Variants in PHEX observed in about 807,000 individuals in gnomAD.
PHEX encodes the protein phosphate regulating endopeptidase X-linked.
A neutral mutation model predicts 68.0 loss-of-function variants in PHEX; 16 were observed. That is an observed-to-expected ratio of 0.24 (90% CI 0.16 to 0.36). The LOEUF is 0.36. Among genes scored for constraint, PHEX ranks in the 10% least tolerant of loss-of-function variants. The pLI is 1.00. For synonymous variants in PHEX, 208 were observed against 205.1 expected (o/e 1.01, Z -0.12); for missense variants, 480 against 575.5 (o/e 0.83, Z 1.70).
intron 2 of PHEX, among the ~76,000 whole-genome samples, chrX:22,041,580 C>G (rs1161259921): frequency 9.1e-6 from 1 of 109,875 alleles, no homozygotes; most frequent in Non-Finnish European, 1.9e-5. Flanking sequence ...AGGCCCTTTC[C>G]TGCTCCAGGC....
At chrX:22,086,574 C>T (rs1198104048) in intron 5 of PHEX, among the ~76,000 whole-genome samples, 2 of 111,067 alleles carry the variant, frequency 1.8e-5, no homozygotes, top group Non-Finnish European at 3.8e-5. Flanking sequence ...TTTTTCACTT[C>T]TCTGTGGCCT....
chrX:22,109,877 A>G (rs1930878853), intron 9 of PHEX, among the ~76,000 whole-genome samples: 1 of 112,247 alleles, frequency 8.9e-6, no homozygotes, highest in Non-Finnish European at 1.9e-5. Context: ...TTTGGAAGTG[A>G]AAGACAAAAC....
rs1936517716 is a variant in PHEX, at chrX:22,249,670, C to A, written c.*1717C>A. 1 of 106,534 alleles carries A rather than the reference C, an allele frequency of 9.4e-6. No individual in the cohort carries two copies. Among genetic ancestry groups the A allele is most frequent in the Non-Finnish European group, 1.9e-5 (1 of 52,076 alleles). The allele number at this position is 106,534 out of a possible 1,213,427, so 8.8% of individuals were successfully genotyped here. A position where few individuals can be genotyped will look rare whatever the true frequency, so the allele number is the denominator to read the frequency against. ...TGTGAAGGGCAGCTACCTTGTCCTC[C>A]TCTTAACCTGGCTTAATGTGACCTT... On this transcript the variant is annotated 3_prime_UTR_variant, in exon 22 of 22. Transcript: ENST00000379374.
chrX:22,169,272 T>C (rs1401837299), intron 13 of PHEX, among the ~76,000 whole-genome samples: 1 of 111,899 alleles, frequency 8.9e-6, no homozygotes, highest in Non-Finnish European at 1.9e-5. Flanking sequence ...GGCTCTAAGA[T>C]ATAGCCTCCC....
At chrX:22,063,627 G>C (rs111447525) in intron 3 of PHEX, among the ~76,000 whole-genome samples, 3,894 of 112,153 alleles carry the variant, frequency 0.035, 172 homozygotes, top group African/African-American at 0.12. Context: ...CACCAGAAGC[G>C]TCGCGTCCAC....
chrX:22,245,111 CACTT>C (rs1334843069), intron 20 of PHEX, among the ~76,000 whole-genome samples: 1 of 112,288 alleles, frequency 8.9e-6, no homozygotes, highest in Admixed American at 9.4e-5. Flanking sequence ...AAACCTTTCT[CACTT>C]ACTCAAATTG....
intron 9 of PHEX, among the ~76,000 whole-genome samples, chrX:22,102,172 T>C (rs1293655602): frequency 1.8e-5 from 2 of 111,951 alleles, no homozygotes; most frequent in African/African-American, 6.5e-5. Context: ...TTATTCATTC[T>C]TTCTATTTTT....
In PHEX at chrX:22,042,533, C is replaced by G. The variant is rs773484211; in HGVS notation, c.187+3996C>G. Reference sequence around the variant, plus strand: ...GGCACGGTGGCTCTCGCCTGCCACCCCAGCACTTTGGGACGCTGAGGCGGA... The same window carrying G: ...GGCACGGTGGCTCTCGCCTGCCACCGCAGCACTTTGGGACGCTGAGGCGGA... On this transcript the variant is annotated intron_variant, in intron 2 of 21. Transcript: ENST00000379374. 1.5e-3 allele frequency among the ~76,000 whole-genome samples: 166 copies of G among 112,413 alleles called. 1 individual carries two copies. The highest frequency in any genetic ancestry group is 5.3e-3 in the African/African-American group (163 of 31,012).
intron 15 of PHEX, among the ~76,000 whole-genome samples, chrX:22,192,254 A>T (rs1278017854): frequency 9.0e-6 from 1 of 111,644 alleles, no homozygotes; most frequent in Non-Finnish European, 1.9e-5. Context: ...TCACATTTCT[A>T]CAGTGTTGAA....
intron 11 of PHEX, 23 bp downstream of exon 11, chrX:22,114,609 C>CA (rs34039161): frequency 1.7e-6 from 2 of 1,188,991 alleles, no homozygotes; most frequent in African/African-American, 3.5e-5. Flanking sequence ...CCCCAGCTAG[C>CA]AAAAAATAAT....
At chrX:22,182,870 A>C (rs143001702) in intron 14 of PHEX, among the ~76,000 whole-genome samples, 1 of 112,061 alleles carries the variant, frequency 8.9e-6, no homozygotes, top group Admixed American at 9.5e-5. Context: ...CAAAAAGGCC[A>C]TAGTGCCTGC....
chrX:22,121,550 G>A (rs1931487986), intron 11 of PHEX, among the ~76,000 whole-genome samples: 1 of 111,981 alleles, frequency 8.9e-6, no homozygotes, highest in Non-Finnish European at 1.9e-5. Flanking sequence ...CAAGGAGAGA[G>A]TCTTTGTCAG....
chrX:22,056,738 C>T (rs972281870), intron 3 of PHEX, among the ~76,000 whole-genome samples: 1 of 105,179 alleles, frequency 9.5e-6, no homozygotes, highest in Non-Finnish European at 1.9e-5. Context: ...CTCCAGCCTG[C>T]GTGACAGAGC....
At chrX:22,093,469 A>G (rs1929992111) in intron 6 of PHEX, among the ~76,000 whole-genome samples, 1 of 111,952 alleles carries the variant, frequency 8.9e-6, no homozygotes, top group Non-Finnish European at 1.9e-5. Context: ...GAAAACTGTA[A>G]AAACCTGAAA....
rs1369164870 is a variant in PHEX at position 22,213,109 on chromosome X, AT to A, written c.1700+154del. The A allele has an allele frequency of 8.0e-6, 4 of 502,696 alleles. No homozygotes were observed. The East Asian group carries it at 1.4e-4, about 18-fold the overall frequency. 41.4% of individuals were successfully genotyped at this position (502,696 alleles called of 1,213,427 possible). A position where few individuals can be genotyped will look rare whatever the true frequency, so the allele number is the denominator to read the frequency against. ...CGCCTGTACTCTTATCATTTTAGGT[AT>A]TTGTTTTCTGATCCTTGTTACCAGG... On this transcript the variant is annotated intron_variant, in intron 16 of 21. Transcript: ENST00000379374.
At chrX:22,138,205 C>T (rs1932312242) in intron 12 of PHEX, among the ~76,000 whole-genome samples, 2 of 112,926 alleles carry the variant, frequency 1.8e-5, no homozygotes, top group East Asian at 2.8e-4. Flanking sequence ...TGGGGGTATA[C>T]GCTTTCCCAG....
intron 6 of PHEX, 80 bp downstream of exon 6, chrX:22,090,577 T>C (rs1929838096): frequency 4.5e-6 from 3 of 667,179 alleles, no homozygotes; most frequent in Middle Eastern, 3.0e-4. Flanking sequence ...TGCTTCTTTA[T>C]TGGAAATGAG....
At chrX:22,209,947 A>AT (rs1431883701) in intron 15 of PHEX, among the ~76,000 whole-genome samples, 4 of 107,483 alleles carry the variant, frequency 3.7e-5, no homozygotes, top group East Asian at 2.8e-4. Context: ...TGGTAAAAAA[A>AT]AAAAAAAATA....
intron 5 of PHEX, among the ~76,000 whole-genome samples, chrX:22,081,892 A>G (rs1929410011): frequency 8.9e-6 from 1 of 111,934 alleles, no homozygotes; most frequent in Non-Finnish European, 1.9e-5. Context: ...AGACGTGAGT[A>G]TATGTGATCC....
Sources: gnomAD v4.1 joint callset for allele counts (sites outside exome capture counted in the v4.1 genomes callset) on GRCh38, gnomAD v4.1.1 for gene constraint, MANE v1.5 for transcripts, NCBI Gene and HGNC (gene_info 2026-07-23, HGNC 2026-07-21) for gene names.